RERE: variants seen among roughly 807,000 people sequenced by gnomAD.
RERE encodes arginine-glutamic acid dipeptide repeats.
RERE carries 40 observed loss-of-function variants against 146.1 expected under a neutral mutation model. That is an observed-to-expected ratio of 0.27 (90% CI 0.21 to 0.36). The LOEUF (loss-of-function observed/expected upper bound fraction) is 0.36, where lower values mean the gene tolerates loss of function less well. RERE is among the 10% of genes least tolerant of loss of function. The pLI is 1.00. For missense variants in RERE, 1,933 were observed against 2,138.7 expected (o/e 0.90, Z 1.90); for synonymous variants, 1,003 against 866.0 (o/e 1.16, Z -2.78).
chr1:8,761,868 G>T (rs993791512), intron 1 of RERE, among the ~76,000 whole-genome samples: 3 of 152,098 alleles, frequency 2.0e-5, no homozygotes, highest in African/African-American at 7.2e-5. Context: ...GTTGCAGTGA[G>T]CCAAGATCAC....
chr1:8,680,152 C>T (rs1429856112), intron 1 of RERE, among the ~76,000 whole-genome samples: 3 of 152,010 alleles, frequency 2.0e-5, no homozygotes, highest in African/African-American at 7.3e-5. Context: ...TCCTATACAC[C>T]TGGTGGAAAA....
chr1:8,663,181 A>G (rs566591307), intron 1 of RERE, among the ~76,000 whole-genome samples: 5 of 151,982 alleles, frequency 3.3e-5, no homozygotes, highest in Non-Finnish European at 2.9e-5. Context: ...AATTAAAAAT[A>G]TTTCCTCTTG....
intron 12 of RERE, among the ~76,000 whole-genome samples, chr1:8,412,728 T>A (rs767679894): frequency 2.0e-5 from 3 of 152,202 alleles, no homozygotes; most frequent in Non-Finnish European, 4.4e-5. Context: ...CTGCGCACAA[T>A]AAACAGAACA....
chr1:8,441,759 A>G (rs1644251938), intron 11 of RERE, among the ~76,000 whole-genome samples: 1 of 152,224 alleles, frequency 6.6e-6, no homozygotes, highest in Non-Finnish European at 1.5e-5. Flanking sequence ...ACGTGTTTAA[A>G]AAAACCATAC....
chr1:8,518,701 T>A (rs1343315004), intron 7 of RERE, among the ~76,000 whole-genome samples: 1 of 152,184 alleles, frequency 6.6e-6, no homozygotes, highest in African/African-American at 2.4e-5. Flanking sequence ...TTCTCAATTT[T>A]CCCCAGCATG....
At chr1:8,584,205 A>G (rs1646400268) in intron 4 of RERE, among the ~76,000 whole-genome samples, 1 of 152,120 alleles carries the variant, frequency 6.6e-6, no homozygotes, top group Non-Finnish European at 1.5e-5. Context: ...AGAAATAAAC[A>G]TTTAAAAGTC....
At position 8,377,203 on chromosome 1, in the gene RERE, G is replaced by T. The variant is rs968259423; in HGVS notation, c.1285-11229C>A. Among the ~76,000 whole-genome samples, 3 of 152,238 alleles carry T rather than the reference G, an allele frequency of 2.0e-5. No individual in the cohort carries two copies. In the South Asian group the frequency reaches 6.2e-4, roughly 31 times the overall value. ...CCACGACATGAGGGGAATCACCCCG[G>T]CCTCTGGCCTGGAAGCCCTGGGCAG... On this transcript the variant is annotated intron_variant, in intron 12 of 22. Transcript: ENST00000400908.
chr1:8,355,947 G>A lies in RERE; in HGVS notation c.4486+153C>T, dbSNP rs76606732. 3.8e-3 allele frequency among the ~76,000 whole-genome samples: 571 copies of A among 152,250 alleles called. 1 individual carries two copies. Among genetic ancestry groups the A allele is most frequent in the African/African-American group, 0.013 (553 of 41,538 alleles). On this transcript the variant is annotated intron_variant, in intron 21 of 22. Coordinates refer to ENST00000400908, the MANE Select transcript of RERE (RefSeq NM_001042681.2). ...CCAGACAGCCCCCAGAGGGCAGGAG[G>A]CTTGTTCCCCCACGGACCCCCTGCA...
At chr1:8,473,523 G>A (rs952788672) in intron 10 of RERE, among the ~76,000 whole-genome samples, 5 of 152,176 alleles carry the variant, frequency 3.3e-5, no homozygotes, top group African/African-American at 9.7e-5. Flanking sequence ...AGTAACCACT[G>A]TACTGATTCA....
intron 8 of RERE, among the ~76,000 whole-genome samples, chr1:8,507,052 C>A (rs1213445071): frequency 6.6e-6 from 1 of 152,168 alleles, no homozygotes; most frequent in Non-Finnish European, 1.5e-5. Context: ...GATGTCATGA[C>A]ATGGGAGACA....
At chr1:8,584,565 G>A (rs1406882848) in intron 4 of RERE, among the ~76,000 whole-genome samples, 1 of 151,938 alleles carries the variant, frequency 6.6e-6, no homozygotes, top group East Asian at 1.9e-4. Flanking sequence ...ATCCATTAGA[G>A]AACAAACTTC....
intron 12 of RERE, among the ~76,000 whole-genome samples, chr1:8,396,477 C>A (rs1643059390): frequency 6.6e-6 from 1 of 152,152 alleles, no homozygotes. Context: ...GGGAAGAATG[C>A]AGCAGACTTC....
chr1:8,722,423 T>C (rs1639881321), intron 1 of RERE, among the ~76,000 whole-genome samples: 1 of 152,250 alleles, frequency 6.6e-6, no homozygotes, highest in Non-Finnish European at 1.5e-5. Flanking sequence ...GTAAGTATTA[T>C]ACATATATGA....
intron 1 of RERE, among the ~76,000 whole-genome samples, chr1:8,752,885 A>G (rs1018921973): frequency 6.6e-6 from 1 of 152,190 alleles, no homozygotes; most frequent in Admixed American, 6.5e-5. Flanking sequence ...TTCTATTTAA[A>G]GAAACTTTTG....
chr1:8,660,212 A>T (rs769459514), intron 1 of RERE, among the ~76,000 whole-genome samples: 1 of 152,180 alleles, frequency 6.6e-6, no homozygotes, highest in Non-Finnish European at 1.5e-5. Flanking sequence ...CAATGGGAAT[A>T]TATTTTTTTC....
chr1:8,762,483 A>G (rs1479961802), intron 1 of RERE, among the ~76,000 whole-genome samples: 1 of 152,236 alleles, frequency 6.6e-6, no homozygotes, highest in Non-Finnish European at 1.5e-5. Flanking sequence ...AATTGTGAAG[A>G]CTAATCATAA....
chr1:8,507,250 T>C (rs892930838), intron 8 of RERE, among the ~76,000 whole-genome samples: 7 of 152,178 alleles, frequency 4.6e-5, no homozygotes, highest in Non-Finnish European at 1.0e-4. Flanking sequence ...TGCTCTAGCC[T>C]TGGCAACAGA....
intron 6 of RERE, among the ~76,000 whole-genome samples, chr1:8,544,826 C>G (rs1312057568): frequency 6.6e-6 from 1 of 152,100 alleles, no homozygotes; most frequent in African/African-American, 2.4e-5. Flanking sequence ...CATAATCTTG[C>G]CAGTTAGCCA....
intron 1 of RERE, among the ~76,000 whole-genome samples, chr1:8,797,862 A>T (rs995668449): frequency 6.6e-6 from 1 of 152,244 alleles, no homozygotes; most frequent in Non-Finnish European, 1.5e-5. Flanking sequence ...TCTCATTTCA[A>T]ATTTGGGGCC....
Sources: allele counts gnomAD v4.1 joint callset (sites outside exome capture counted in the v4.1 genomes callset), GRCh38; gene constraint gnomAD v4.1.1; transcripts MANE v1.5; gene names NCBI Gene and HGNC (gene_info 2026-07-23, HGNC 2026-07-21).